Variants in KCNIP1 observed in about 807,000 individuals in gnomAD.
KCNIP1 encodes the protein A-type potassium channel modulatory protein KCNIP1.
KCNIP1 carries 18 observed loss-of-function variants against 33.0 expected under a neutral mutation model. The ratio of observed to expected loss-of-function variants is 0.55; its 90% CI spans 0.38 to 0.81. KCNIP1 has a LOEUF of 0.81. Among genes scored for constraint, KCNIP1 ranks in the 30% least tolerant of loss-of-function variants. KCNIP1 has a pLI of 0.00. For synonymous variants in KCNIP1, 93 were observed against 98.3 expected, an observed-to-expected ratio of 0.95 and a Z score of 0.32; for missense variants, 238 against 271.6, an observed-to-expected ratio of 0.88 and a Z score of 0.87.
chr5:170,701,435 C>T (rs1307065923), intron 1 of KCNIP1, among the ~76,000 whole-genome samples: 2 of 152,192 alleles, frequency 1.3e-5, no homozygotes, highest in Non-Finnish European at 1.5e-5. Context: ...CAAAGCGTCA[C>T]TCCAGGCTTA....
At chr5:170,523,315 C>T (rs1217178609) in intron 1 of KCNIP1, among the ~76,000 whole-genome samples, 4 of 152,180 alleles carry the variant, frequency 2.6e-5, no homozygotes, top group Non-Finnish European at 5.9e-5. Flanking sequence ...AACTGCTAGG[C>T]GATGCTCTGG....
At chr5:170,517,949 C>T (rs201604992) in intron 1 of KCNIP1, among the ~76,000 whole-genome samples, 1,276 of 111,694 alleles carry the variant, frequency 0.011, 8 homozygotes, top group Middle Eastern at 0.018. Context: ...ATGGTAGTGA[C>T]GGTGGTGGTG....
At chr5:170,475,819 G>T (rs1250681378) in intron 1 of KCNIP1, among the ~76,000 whole-genome samples, 2 of 151,972 alleles carry the variant, frequency 1.3e-5, no homozygotes, top group African/African-American at 4.8e-5. Flanking sequence ...ACCCCCTGCC[G>T]AGAAGAAACT....
At chr5:170,700,961 CAA>C (rs1369648534) in intron 1 of KCNIP1, among the ~76,000 whole-genome samples, 2 of 152,156 alleles carry the variant, frequency 1.3e-5, no homozygotes, top group Admixed American at 1.3e-4. Context: ...ACAATAAACA[CAA>C]CAACAAAACA....
chr5:170,700,074 C>T (rs556840118), intron 1 of KCNIP1, among the ~76,000 whole-genome samples: 25 of 152,286 alleles, frequency 1.6e-4, no homozygotes, highest in Middle Eastern at 3.4e-3. Context: ...CCCTCTGGGC[C>T]TTGTTCCCTT....
chr5:170,503,112 G>T (rs1222428516), upstream of KCNIP1, among the ~76,000 whole-genome samples: 2 of 152,124 alleles, frequency 1.3e-5, no homozygotes, highest in Non-Finnish European at 2.9e-5. Flanking sequence ...AGAGCAGGCC[G>T]GGTGGGGTGG....
Position 170,721,869 on chromosome 5 carries a change from T to C in KCNIP1, c.293T>C (p.Phe98Ser). The C allele has an allele frequency of 6.2e-7, 1 of 1,614,138 alleles. No individual in the cohort carries two copies. The highest frequency in any genetic ancestry group is 8.5e-7 in the Non-Finnish European group (1 of 1,180,024). The change falls in exon 4 of 8, where the codon TTC becomes TCC. Residue 98 changes from phenylalanine to serine, a missense_variant. Transcript: ENST00000328939. ...TATGCCCATTACCTCTTCAATGCCT[T>C]CGACACCACTCAGACAGGCTCCGTG... Reference protein sequence around the residue: ...STYAHYLFNAFDTTQTGSVKF... With the variant: ...STYAHYLFNASDTTQTGSVKF...
chr5:170,694,969 C>A (rs1300416394), intron 1 of KCNIP1, among the ~76,000 whole-genome samples: 4 of 152,170 alleles, frequency 2.6e-5, no homozygotes, highest in Non-Finnish European at 5.9e-5. Flanking sequence ...TATTGACTTA[C>A]AATAGCCAAA....
At chr5:170,490,385 C>T (rs886665514) in intron 1 of KCNIP1, among the ~76,000 whole-genome samples, 4 of 152,162 alleles carry the variant, frequency 2.6e-5, no homozygotes, top group Admixed American at 6.5e-5. Flanking sequence ...ACAAGGGAGC[C>T]CCCCGTGGTG....
intron 1 of KCNIP1, among the ~76,000 whole-genome samples, chr5:170,391,395 G>A (rs757285098): frequency 9.2e-5 from 14 of 152,204 alleles, no homozygotes; most frequent in Admixed American, 2.0e-4. Flanking sequence ...GGGAAGGGGG[G>A]CCGTGGGGTC....
chr5:170,419,390 A>T (rs149833440), intron 1 of KCNIP1, among the ~76,000 whole-genome samples: 4 of 152,342 alleles, frequency 2.6e-5, no homozygotes, highest in African/African-American at 9.6e-5. Context: ...CAATGCTGTG[A>T]CCTGCATAAG....
intron 1 of KCNIP1, among the ~76,000 whole-genome samples, chr5:170,609,592 G>A (rs1176327997): frequency 6.6e-6 from 1 of 152,152 alleles, no homozygotes; most frequent in Non-Finnish European, 1.5e-5. Context: ...TGTAATCTCA[G>A]CACTTTGGGA....
At chr5:170,465,684 T>G (rs1050779784) in intron 1 of KCNIP1, among the ~76,000 whole-genome samples, 2 of 152,068 alleles carry the variant, frequency 1.3e-5, no homozygotes, top group African/African-American at 4.8e-5. Context: ...GAGAAATACA[T>G]GTATTCAGAT....
intron 1 of KCNIP1, among the ~76,000 whole-genome samples, chr5:170,483,648 G>A (rs1481222045): frequency 6.6e-6 from 1 of 152,160 alleles, no homozygotes; most frequent in Non-Finnish European, 1.5e-5. Flanking sequence ...TATCCTGCAA[G>A]TTAGTGGCTG....
chr5:170,705,541 C>A (rs970006430), intron 1 of KCNIP1, among the ~76,000 whole-genome samples: 1 of 152,178 alleles, frequency 6.6e-6, no homozygotes, highest in African/African-American at 2.4e-5. Flanking sequence ...AGGCCCTATG[C>A]TTCTGGTGTC....
intron 1 of KCNIP1, chr5:170,375,300 C>A (rs1260808553): frequency 3.3e-5 from 5 of 152,224 alleles, no homozygotes; most frequent in African/African-American, 4.8e-5. Context: ...ACTTCCCTGA[C>A]CCCAGAAGGA....
At chr5:170,636,449 A>G (rs937578299) in intron 1 of KCNIP1, among the ~76,000 whole-genome samples, 2 of 152,198 alleles carry the variant, frequency 1.3e-5, no homozygotes, top group African/African-American at 4.8e-5. Flanking sequence ...GGCTGGAACC[A>G]GGAGGCACTA....
intron 1 of KCNIP1, among the ~76,000 whole-genome samples, chr5:170,712,294 G>A (rs1763477539): frequency 6.6e-6 from 1 of 152,170 alleles, no homozygotes; most frequent in African/African-American, 2.4e-5. Flanking sequence ...CTTAATGGGG[G>A]AAGAAAGAAT....
chr5:170,469,775 T>C (rs1297889972), intron 1 of KCNIP1, among the ~76,000 whole-genome samples: 1 of 152,256 alleles, frequency 6.6e-6, no homozygotes, highest in East Asian at 1.9e-4. Flanking sequence ...GGTCTATTTC[T>C]GGCCTTTCCA....
Sources: gnomAD v4.1 joint callset for allele counts (sites outside exome capture counted in the v4.1 genomes callset) on GRCh38, gnomAD v4.1.1 for gene constraint, MANE v1.5 for transcripts, NCBI Gene and HGNC (gene_info 2026-07-23, HGNC 2026-07-21) for gene names.